Variants in NRG1 observed in about 807,000 individuals in gnomAD.
NRG1 encodes neuregulin 1.
Under a neutral mutation model 63.8 loss-of-function variants are expected in NRG1, and 18 were observed. The ratio of observed to expected loss-of-function variants is 0.28; its 90% CI spans 0.19 to 0.42. The LOEUF (loss-of-function observed/expected upper bound fraction) is 0.42. Ranked by LOEUF, NRG1 falls within the 10% of genes least tolerant of loss-of-function variation. The pLI, the probability that NRG1 is intolerant of heterozygous loss-of-function variation, is 1.00. For synonymous variants in NRG1, 302 were observed against 301.3 expected (o/e 1.00, Z -0.02); for missense variants, 762 against 814.7 (o/e 0.94, Z 0.79).
chr8:32,531,309 T>C (rs1831431517), intron 1 of NRG1, among the ~76,000 whole-genome samples: 1 of 152,094 alleles, frequency 6.6e-6, no homozygotes, highest in Non-Finnish European at 1.5e-5. Flanking sequence ...AAATGCTGAG[T>C]TTTCCTAATT....
chr8:31,729,970 A>G (rs1813852606), intron 1 of NRG1, among the ~76,000 whole-genome samples: 1 of 152,130 alleles, frequency 6.6e-6, no homozygotes, highest in Non-Finnish European at 1.5e-5. Context: ...TTGTCCTAAG[A>G]AAGAATTCCT....
intron 1 of NRG1, among the ~76,000 whole-genome samples, chr8:32,302,315 G>T (rs1855665486): frequency 1.3e-5 from 2 of 152,274 alleles, no homozygotes; most frequent in East Asian, 1.9e-4. Flanking sequence ...TGAGGCATTT[G>T]GTACTCCAAC....
intron 1 of NRG1, among the ~76,000 whole-genome samples, chr8:32,127,104 A>T (rs961705196): frequency 2.0e-5 from 3 of 151,930 alleles, no homozygotes; most frequent in African/African-American, 7.2e-5. Context: ...TTCCTATCCC[A>T]GAGAGCAGGA....
At chr8:31,683,158 C>T (rs1808510802) in intron 1 of NRG1, among the ~76,000 whole-genome samples, 1 of 152,252 alleles carries the variant, frequency 6.6e-6, no homozygotes, top group Middle Eastern at 3.4e-3. Context: ...CAAAATGAAG[C>T]GTTCTCTTAC....
At chr8:32,313,012 G>T (rs567322695) in intron 1 of NRG1, among the ~76,000 whole-genome samples, 1 of 152,060 alleles carries the variant, frequency 6.6e-6, no homozygotes, top group African/African-American at 2.4e-5. Flanking sequence ...AATTAGCCGC[G>T]TGTGGTGGTG....
chr8:32,044,111 T>C (rs912359053), intron 1 of NRG1, among the ~76,000 whole-genome samples: 3 of 151,858 alleles, frequency 2.0e-5, no homozygotes, highest in African/African-American at 7.2e-5. Context: ...AGGTGGGAAC[T>C]ATAAACCATG....
intron 1 of NRG1, among the ~76,000 whole-genome samples, chr8:31,682,083 A>G (rs955814370): frequency 4.6e-5 from 7 of 152,148 alleles, no homozygotes; most frequent in African/African-American, 1.4e-4. Flanking sequence ...TCACTTCCCT[A>G]AAGAGCCTAT....
intron 1 of NRG1, among the ~76,000 whole-genome samples, chr8:32,358,523 C>A (rs1806780382): frequency 6.6e-6 from 1 of 152,000 alleles, no homozygotes; most frequent in African/African-American, 2.4e-5. Context: ...TAAGGAATAT[C>A]ATCTGAAGCT....
At chr8:32,002,560 G>A (rs796911346) in intron 1 of NRG1, among the ~76,000 whole-genome samples, 7 of 151,674 alleles carry the variant, frequency 4.6e-5, no homozygotes, top group African/African-American at 1.7e-4. Flanking sequence ...TTTCTGGAAC[G>A]ACATGATTCT....
downstream of NRG1, among the ~76,000 whole-genome samples, chr8:32,772,201 G>A (rs1333335866): frequency 4.6e-5 from 7 of 150,978 alleles, no homozygotes; most frequent in Non-Finnish European, 1.0e-4. Context: ...AATTCCTCAC[G>A]TCCTCTTCAC....
At chr8:32,512,850 T>C (rs1829375164) in intron 1 of NRG1, among the ~76,000 whole-genome samples, 1 of 152,220 alleles carries the variant, frequency 6.6e-6, no homozygotes, top group African/African-American at 2.4e-5. Context: ...AGGATACATC[T>C]CTTTTGTAAC....
At chr8:31,721,140 G>T (rs1428394131) in intron 1 of NRG1, among the ~76,000 whole-genome samples, 1 of 152,152 alleles carries the variant, frequency 6.6e-6, no homozygotes, top group African/African-American at 2.4e-5. Flanking sequence ...TGTAAGTGGG[G>T]CTTCTGTTTA....
At chr8:32,221,328 C>T (rs1370971781) in intron 1 of NRG1, among the ~76,000 whole-genome samples, 2 of 152,022 alleles carry the variant, frequency 1.3e-5, no homozygotes, top group African/African-American at 4.8e-5. Context: ...TCTTGATGCA[C>T]GGTGGAGAAA....
chr8:32,209,753 C>T (rs886923334), intron 1 of NRG1, among the ~76,000 whole-genome samples: 6 of 150,830 alleles, frequency 4.0e-5, no homozygotes, highest in African/African-American at 1.5e-4. Flanking sequence ...TTCCTTCCTT[C>T]CTTCCTTCCT....
chr8:31,788,098 C>A (rs1416805150), intron 1 of NRG1, among the ~76,000 whole-genome samples: 2 of 152,030 alleles, frequency 1.3e-5, no homozygotes, highest in African/African-American at 4.8e-5. Flanking sequence ...GTGCTCTTAA[C>A]TTCTATTTTA....
At chr8:31,664,683 T>C (rs1806342664) in intron 1 of NRG1, among the ~76,000 whole-genome samples, 1 of 152,188 alleles carries the variant, frequency 6.6e-6, no homozygotes, top group South Asian at 2.1e-4. Context: ...GAAAGGAGGA[T>C]GGAACGGTGT....
chr8:32,311,217 T>C (rs1486535021), intron 1 of NRG1, among the ~76,000 whole-genome samples: 2 of 152,114 alleles, frequency 1.3e-5, no homozygotes, highest in Non-Finnish European at 1.5e-5. Context: ...GATAAGGTGG[T>C]GAACAAGACA....
At chr8:31,691,500 C>T (rs918767792) in intron 1 of NRG1, among the ~76,000 whole-genome samples, 5 of 136,154 alleles carry the variant, frequency 3.7e-5, no homozygotes, top group African/African-American at 5.5e-5. Context: ...GAGGCTGAGG[C>T]GGGAGAACGG....
chr8:31,742,186 G>A (rs1341425520), intron 1 of NRG1, among the ~76,000 whole-genome samples: 2 of 151,848 alleles, frequency 1.3e-5, no homozygotes, highest in African/African-American at 4.8e-5. Context: ...ATATATGGTA[G>A]AACTATAGAG....
Sources: gnomAD v4.1 joint callset for allele counts (sites outside exome capture counted in the v4.1 genomes callset) on GRCh38, gnomAD v4.1.1 for gene constraint, MANE v1.5 for transcripts, NCBI Gene and HGNC (gene_info 2026-07-23, HGNC 2026-07-21) for gene names.